QRSL1: variants seen among roughly 807,000 people sequenced by gnomAD.
QRSL1 encodes glutamyl-tRNA(Gln) amidotransferase subunit A, mitochondrial.
Under a neutral mutation model 61.6 loss-of-function variants are expected in QRSL1, and 54 were observed. That is an observed-to-expected ratio of 0.88 (90% CI 0.70 to 1.10). The LOEUF is 1.10. QRSL1 is among the 50% of genes least tolerant of loss of function. The probability of loss-of-function intolerance (pLI) is 0.00; values close to 1 mark genes in which losing one functional copy is unlikely to be tolerated. For missense variants in QRSL1, 505 were observed against 622.6 expected, an observed-to-expected ratio of 0.81 and a Z score of 2.01; for synonymous variants, 228 against 225.7, an observed-to-expected ratio of 1.01 and a Z score of -0.09.
intron 1 of QRSL1, among the ~76,000 whole-genome samples, chr6:106,631,426 T>A (rs1776828909): frequency 6.6e-6 from 1 of 152,200 alleles, no homozygotes; most frequent in Admixed American, 6.5e-5. Flanking sequence ...TTGTAAACTA[T>A]GTGCCTATTC....
chr6:106,643,195 T>C, intron 4 of QRSL1, 105 bp downstream of exon 4: 1 of 764,168 alleles, frequency 1.3e-6, no homozygotes, highest in Non-Finnish European at 2.1e-6. Flanking sequence ...AGTTTCTTAG[T>C]CCCTCTGTGA....
chr6:106,650,104 A>C (rs1777169911), intron 5 of QRSL1, among the ~76,000 whole-genome samples: 2 of 152,084 alleles, frequency 1.3e-5, no homozygotes, highest in Non-Finnish European at 2.9e-5. Flanking sequence ...ATTTTATAGC[A>C]TTGCATTAAT....
chr6:106,667,159 A>C lies in QRSL1; in HGVS notation c.*1157A>C, dbSNP rs1777450198. ...ATGGTATTAGTGAAAAAGGTTCAAA[A>C]TACACAAGTAACATACACTCTGAAA... On this transcript the variant is annotated 3_prime_UTR_variant, in exon 11 of 11. Transcript: ENST00000369046. 6.6e-6 allele frequency: 1 copy of C among 152,244 alleles called. No individual in the cohort carries two copies. Among genetic ancestry groups the C allele is most frequent in the African/African-American group, 2.4e-5 (1 of 41,472 alleles). The allele number at this position is 152,244 out of a possible 1,614,324, so 9.4% of individuals were successfully genotyped here.
intron 4 of QRSL1, among the ~76,000 whole-genome samples, chr6:106,643,796 A>G (rs1777063112): frequency 1.3e-5 from 2 of 151,920 alleles, no homozygotes; most frequent in Admixed American, 1.3e-4. Flanking sequence ...TTCTCTGAAC[A>G]TGCCTTTCAA....
intron 1 of QRSL1, among the ~76,000 whole-genome samples, chr6:106,639,116 GTTGTT>G (rs1303719914): frequency 1.1e-4 from 6 of 54,364 alleles, no homozygotes; most frequent in East Asian, 7.9e-4. Context: ...TGTGTGTTTT[GTTGTT>G]TTTTTTTTTT....
chr6:106,664,682 A>G (rs985579788), intron 10 of QRSL1, among the ~76,000 whole-genome samples: 2 of 152,242 alleles, frequency 1.3e-5, no homozygotes, highest in African/African-American at 4.8e-5. Flanking sequence ...CATTTTTGGT[A>G]GAAGTACTAC....
chr6:106,667,001 G>C lies in QRSL1; in HGVS notation c.*999G>C, dbSNP rs1327878209. 1.3e-5 allele frequency: 2 copies of C among 152,202 alleles called. No homozygotes were observed. Among genetic ancestry groups the C allele is most frequent in the Non-Finnish European group, 2.9e-5 (2 of 68,030 alleles). 9.4% of individuals were successfully genotyped at this position (152,202 alleles called of 1,614,324 possible). On this transcript the variant is annotated 3_prime_UTR_variant, in exon 11 of 11. Transcript: ENST00000369046. The stretch of plus-strand genomic sequence containing the variant: ...GCTATTCCGGAGCCCATGCCTAGAA[G>C]CCAGAACAACTCCATGTTACACTGA...
At position 106,650,335 on chromosome 6, in the gene QRSL1, T is replaced by TCA. The variant is rs1226768518; in HGVS notation, c.557+1134_557+1135insCA. ...TTGTGAAAGCAACAGTCTGATTTTG[T>TCA]AGCTTAACTTGACACTGTAAGAAAG... On this transcript the variant is annotated intron_variant, in intron 5 of 10. Coordinates refer to ENST00000369046, the MANE Select transcript of QRSL1 (RefSeq NM_018292.5). Among the ~76,000 whole-genome samples, 20 of 152,328 alleles carry TCA rather than the reference T, an allele frequency of 1.3e-4. No homozygotes were observed. The East Asian group carries it at 3.7e-3, about 28-fold the overall frequency.
rs541039288 is a variant in QRSL1 at position 106,640,565 on chromosome 6, G to C, written c.184+57G>C. On this transcript the variant is annotated intron_variant, in intron 2 of 10. Transcript: ENST00000369046. ...TATCTCCAGAGAAGTTTAATTGTTT[G>C]TAGCAGTCTCCATTTGGCAAGTGAA... The C allele has an allele frequency of 5.7e-6, 8 of 1,398,284 alleles. No individual in the cohort carries two copies. The Admixed American group carries it at 2.1e-4, about 37-fold the overall frequency. 86.6% of individuals were successfully genotyped at this position (1,398,284 alleles called of 1,614,324 possible). A position where few individuals can be genotyped will look rare whatever the true frequency, so the allele number is the denominator to read the frequency against.
At chr6:106,633,654 T>C (rs1776872584) in intron 1 of QRSL1, among the ~76,000 whole-genome samples, 2 of 152,210 alleles carry the variant, frequency 1.3e-5, no homozygotes, top group African/African-American at 4.8e-5. Context: ...TACCTTTGTC[T>C]TTTGTGGCAT....
At chr6:106,665,299 A>G (rs1777414001) in intron 10 of QRSL1, among the ~76,000 whole-genome samples, 1 of 152,238 alleles carries the variant, frequency 6.6e-6, no homozygotes, top group Admixed American at 6.5e-5. Flanking sequence ...CTGCAAGGCT[A>G]TAGGTGGAAG....
rs1327762258 is a variant in QRSL1, at chr6:106,649,085, A to G, written c.441A>G (p.Gln147=). Residue 147 remains glutamine (Q), a synonymous_variant, in exon 5 of 11, where the codon CAA becomes CAG. Coordinates refer to ENST00000369046, the MANE Select transcript of QRSL1 (RefSeq NM_018292.5). Reference sequence around the variant, plus strand: ...AAAACCCCTGGAGTTATTCAAAACAATATAGAGAAAAGAGGAAGCAGAATC... The same window carrying G: ...AAAACCCCTGGAGTTATTCAAAACAGTATAGAGAAAAGAGGAAGCAGAATC... ...PVKNPWSYSK[Q]YREKRKQNPH... is the part of the protein sequence containing the mutation. 11 of 1,614,204 alleles carry G rather than the reference A, an allele frequency of 6.8e-6. No homozygotes were observed. Among genetic ancestry groups the G allele is most frequent in the African/African-American group, 1.3e-5 (1 of 75,076 alleles).
intron 9 of QRSL1, among the ~76,000 whole-genome samples, chr6:106,662,444 G>C (rs1777371771): frequency 6.6e-6 from 1 of 150,748 alleles, no homozygotes; most frequent in East Asian, 1.9e-4. Flanking sequence ...TTTATGTTAA[G>C]AATCTTAATG....
chr6:106,641,052 TG>T lies in QRSL1; in HGVS notation c.283+132del, dbSNP rs140720267. ...AGGAAATATTTAGAATATAATATCA[TG>T]TTTTTTTACTATTTGCTCTTTTAGA... On this transcript the variant is annotated intron_variant, in intron 3 of 10. Coordinates refer to ENST00000369046, the MANE Select transcript of QRSL1 (RefSeq NM_018292.5). 5.7e-3 allele frequency: 3,844 copies of T among 675,714 alleles called. 108 individuals are homozygous for T. The African/African-American group carries it at 0.066, about 12-fold the overall frequency. The allele number at this position is 675,714 out of a possible 1,614,324, so 41.9% of individuals were successfully genotyped here.
Position 106,652,483 on chromosome 6 carries a change from T to A in QRSL1, c.750T>A (p.Pro250=). The A allele has an allele frequency of 1.2e-6, 2 of 1,614,246 alleles. No homozygotes were observed. Among genetic ancestry groups the A allele is most frequent in the Non-Finnish European group, 1.7e-6 (2 of 1,180,048 alleles). Residue 250 remains proline (P), a synonymous_variant, in exon 7 of 11, where the codon CCT becomes CCA. Transcript: ENST00000369046. The part of the protein sequence containing the change: ...AAIVLGALAG[P]DPRDSTTVHE... Reference sequence around the variant, plus strand: ...TCCTTACAGGTGCACTGGCCGGACCTGACCCCAGGGACTCTACCACAGTAC... The same window carrying A: ...TCCTTACAGGTGCACTGGCCGGACCAGACCCCAGGGACTCTACCACAGTAC...
chr6:106,663,287 G>C, intron 10 of QRSL1, 102 bp downstream of exon 10: 3 of 1,126,156 alleles, frequency 2.7e-6, no homozygotes, highest in Non-Finnish European at 3.9e-6. Flanking sequence ...AAAAGCAAAA[G>C]TCTATCCTTT....
chr6:106,652,060 T>C (rs1777194595), intron 5 of QRSL1, 149 bp from the exon 6 acceptor site: 1 of 790,216 alleles, frequency 1.3e-6, no homozygotes, highest in Admixed American at 3.3e-5. Context: ...TAAAGTTTTC[T>C]GTACTTTATG....
rs1392738563 is a variant in QRSL1 at position 106,652,218 on chromosome 6, A to G, written c.567A>G (p.Gly189=). Residue 189 remains glycine, a synonymous_variant, in exon 6 of 11, where the codon GGA becomes GGG. Transcript: ENST00000369046. Reference sequence around the variant, plus strand: ...TCCATTTAAATTCCAGGGCTTTAGGATCAGATACAGGAGGATCGACCAGAA... The same window carrying G: ...TCCATTTAAATTCCAGGGCTTTAGGGTCAGATACAGGAGGATCGACCAGAA... ...VSAFTCYAAL[G]SDTGGSTRNP... 2.5e-6 allele frequency: 4 copies of G among 1,613,054 alleles called. No individual in the cohort carries two copies. In the African/African-American group the frequency reaches 5.3e-5, roughly 22 times the overall value.
intron 1 of QRSL1, among the ~76,000 whole-genome samples, chr6:106,631,887 A>G (rs1582402999): frequency 6.6e-6 from 1 of 152,210 alleles, no homozygotes; most frequent in African/African-American, 2.4e-5. Flanking sequence ...CTGCTGTGCT[A>G]TCAAATACTG....
Sources: gnomAD v4.1 joint callset for allele counts (sites outside exome capture counted in the v4.1 genomes callset) on GRCh38, gnomAD v4.1.1 for gene constraint, MANE v1.5 for transcripts, NCBI Gene and HGNC (gene_info 2026-07-23, HGNC 2026-07-21) for gene names.